The following ZNF398 variants were observed in gnomAD, a reference collection of about 807,000 sequenced individuals.
ZNF398 encodes zinc finger protein 398, also known as zinc finger DNA binding protein ZER6.
A neutral mutation model predicts 41.9 loss-of-function variants in ZNF398; 18 were observed. The observed-to-expected ratio is 0.43, with a 90% CI of 0.30 to 0.64. The LOEUF is 0.64. ZNF398 is among the 30% of genes least tolerant of loss of function. The pLI is 0.14. For missense variants in ZNF398, 669 were observed against 822.8 expected, an observed-to-expected ratio of 0.81 and a Z score of 2.29; for synonymous variants, 260 against 308.8, an observed-to-expected ratio of 0.84 and a Z score of 1.66.
At chr7:149,148,701 T>C (rs1430285749) in intron 1 of ZNF398, among the ~76,000 whole-genome samples, 9 of 152,034 alleles carry the variant, frequency 5.9e-5, no homozygotes, top group Admixed American at 5.9e-4. Flanking sequence ...TCCTGGCTAA[T>C]AGAAATATAA....
At chr7:149,166,124 T>C (rs761283699) in intron 2 of ZNF398, 34 bp from the exon 3 acceptor site, 1 of 1,566,968 alleles carries the variant, frequency 6.4e-7, no homozygotes, top group Admixed American at 2.1e-5. Context: ...TGAATTATAA[T>C]GGAAGGGACT....
At chr7:149,169,575 C>T (rs1367908614) in intron 4 of ZNF398, among the ~76,000 whole-genome samples, 1 of 152,110 alleles carries the variant, frequency 6.6e-6, no homozygotes, top group East Asian at 1.9e-4. Context: ...TCGCAGCCTC[C>T]CAAGTAGCTG....
rs1795576764 is a variant in ZNF398 at position 149,180,967 on chromosome 7, C to T, written c.*1166C>T. On this transcript the variant is annotated 3_prime_UTR_variant, in exon 6 of 6. Coordinates refer to ENST00000475153, the MANE Select transcript of ZNF398 (RefSeq NM_170686.3). ...AGATCACTGAGAGCTAAGCACCATG[C>T]ATAGACAACAGTTTGTTCTTGCCTG... 1 of 152,588 alleles carries T rather than the reference C, an allele frequency of 6.6e-6. No individual in the cohort carries two copies. The highest frequency in any genetic ancestry group is 1.5e-5 in the Non-Finnish European group (1 of 68,046). The allele number at this position is 152,588 out of a possible 1,614,324, so 9.5% of individuals were successfully genotyped here.
At chr7:149,130,339 G>A (rs142906852) in intron 2 of ZNF398, among the ~76,000 whole-genome samples, 103 of 152,268 alleles carry the variant, frequency 6.8e-4, no homozygotes, top group Non-Finnish European at 1.2e-3. Context: ...CAAGTGATCC[G>A]CCTGCCTTGG....
chr7:149,148,522 G>A, intron 1 of ZNF398: 1 of 981,408 alleles, frequency 1.0e-6, no homozygotes, highest in Non-Finnish European at 1.2e-6. Context: ...ACTGGGTCAG[G>A]AGCCACCCTG....
Position 149,179,559 on chromosome 7 carries a change from G to A in ZNF398, c.1687G>A (p.Gly563Arg), listed in dbSNP as rs145011984. The change falls in exon 6 of 6, where the codon GGG becomes AGG. Residue 563 changes from glycine (G) to arginine (R), a missense_variant. Transcript: ENST00000475153. The surrounding 1 kb of genome is among the most constrained non-coding windows in gnomAD (Gnocchi z 6.1). ...HLMKHQRIHT[G>R]ERPYPCSYCG... Reference sequence around the variant, plus strand: ...AATGAAACACCAGCGCATCCACACCGGGGAGCGGCCCTACCCCTGCTCCTA... The same window carrying A: ...AATGAAACACCAGCGCATCCACACCAGGGAGCGGCCCTACCCCTGCTCCTA... 5.3e-5 allele frequency: 86 copies of A among 1,614,070 alleles called. No individual in the cohort carries two copies. Among genetic ancestry groups the A allele is most frequent in the Non-Finnish European group, 6.9e-5 (81 of 1,180,054 alleles).
chr7:149,140,782 G>A (rs576485590), intron 2 of ZNF398, among the ~76,000 whole-genome samples: 2 of 152,190 alleles, frequency 1.3e-5, no homozygotes, highest in Admixed American at 1.3e-4. Context: ...GCTCACACCA[G>A]GAATCCCAGC....
At chr7:149,169,812 A>G (rs1198818099) in intron 4 of ZNF398, among the ~76,000 whole-genome samples, 1 of 151,878 alleles carries the variant, frequency 6.6e-6, no homozygotes, top group Non-Finnish European at 1.5e-5. Context: ...CCCAAAGACC[A>G]CTCCCAGATT....
chr7:149,171,385 T>C (rs1288520001), intron 4 of ZNF398, among the ~76,000 whole-genome samples: 2 of 152,150 alleles, frequency 1.3e-5, no homozygotes, highest in East Asian at 3.8e-4. Context: ...ACTTATTTTT[T>C]TGAAATGAAG....
chr7:149,157,501 C>T (rs1418062082), intron 2 of ZNF398, among the ~76,000 whole-genome samples: 1 of 145,100 alleles, frequency 6.9e-6, no homozygotes, highest in African/African-American at 2.6e-5. Context: ...CGCCACTGCA[C>T]TCCAGCCTGG....
upstream of ZNF398, among the ~76,000 whole-genome samples, chr7:149,143,067 A>C (rs75678922): frequency 7.5e-4 from 114 of 152,176 alleles, no homozygotes; most frequent in African/African-American, 2.4e-3. Flanking sequence ...ATTCTCCCAC[A>C]TCTAGCTTAA....
At chr7:149,151,147 C>T in intron 1 of ZNF398, 1 of 926,018 alleles carries the variant, frequency 1.1e-6, no homozygotes, top group Non-Finnish European at 1.4e-6. Flanking sequence ...TTGAGATCCC[C>T]ACTAAGCTTA....
intron 2 of ZNF398, among the ~76,000 whole-genome samples, chr7:149,155,113 C>G (rs1036723261): frequency 1.1e-4 from 16 of 151,740 alleles, no homozygotes; most frequent in African/African-American, 3.9e-4. Flanking sequence ...ATGGTGAAAC[C>G]CCGTCTCTAC....
upstream of ZNF398, among the ~76,000 whole-genome samples, chr7:149,142,825 G>A (rs1310960212): frequency 6.6e-6 from 1 of 152,112 alleles, no homozygotes; most frequent in Non-Finnish European, 1.5e-5. Flanking sequence ...CTGACTTTGA[G>A]AAAAATTTGT....
intron 1 of ZNF398, among the ~76,000 whole-genome samples, chr7:149,126,995 G>A (rs948278904): frequency 4.6e-5 from 7 of 152,342 alleles, no homozygotes; most frequent in African/African-American, 1.7e-4. Context: ...CCGCCTGCGG[G>A]GACTCAGGGT....
chr7:149,137,235 C>G (rs1399499631), intron 2 of ZNF398, among the ~76,000 whole-genome samples: 1 of 152,058 alleles, frequency 6.6e-6, no homozygotes, highest in African/African-American at 2.4e-5. Context: ...TTTTTAGATT[C>G]TTGTTTTATT....
chr7:149,176,719 T>C (rs1204885826), intron 5 of ZNF398, 138 bp downstream of exon 5: 39 of 564,506 alleles, frequency 6.9e-5, no homozygotes, highest in Admixed American at 3.6e-5. Context: ...CTCAACATTA[T>C]GAATGAAACC....
At chr7:149,151,221 C>G in intron 1 of ZNF398, 1 of 1,214,316 alleles carries the variant, frequency 8.2e-7, no homozygotes, top group Non-Finnish European at 1.1e-6. Flanking sequence ...GCTTACTAAT[C>G]TGCTTACAGG....
At chr7:149,158,261 T>A (rs1283730170) in intron 2 of ZNF398, among the ~76,000 whole-genome samples, 1 of 152,066 alleles carries the variant, frequency 6.6e-6, no homozygotes, top group Non-Finnish European at 1.5e-5. Context: ...GGACATTGAG[T>A]ATGATTTGTC....
Sources: allele counts gnomAD v4.1 joint callset (sites outside exome capture counted in the v4.1 genomes callset), GRCh38; gene constraint gnomAD v4.1.1; non-coding constraint Gnocchi (gnomAD v3.1); transcripts MANE v1.5; gene names NCBI Gene and HGNC (gene_info 2026-07-23, HGNC 2026-07-21).